Variants in PHF11 observed in about 807,000 individuals in gnomAD.
PHF11 encodes the protein BRCA1 C-terminus-associated protein.
In PHF11, 38 loss-of-function variants were observed where a neutral mutation model predicts 40.5. The observed-to-expected ratio is 0.94, with a 90% CI of 0.72 to 1.23. The LOEUF is 1.23. Ranked by LOEUF, PHF11 falls within the 50% of genes most tolerant of loss-of-function variation. PHF11 has a pLI of 0.00. For synonymous variants in PHF11, 127 were observed against 138.2 expected (o/e 0.92, Z 0.57); for missense variants, 369 against 392.4 (o/e 0.94, Z 0.50).
intron 9 of PHF11, chr13:49,527,215 G>GAGT (rs1566199714): frequency 6.6e-6 from 1 of 152,098 alleles, no homozygotes; most frequent in African/African-American, 2.4e-5. Flanking sequence ...GCATTAAGAT[G>GAGT]CCCTCAAGAC....
chr13:49,526,962 G>C (rs1415039784), intron 9 of PHF11, among the ~76,000 whole-genome samples: 1 of 151,554 alleles, frequency 6.6e-6, no homozygotes, highest in African/African-American at 2.4e-5. Flanking sequence ...CGCTTGGTGA[G>C]ATAGGTCAAA....
intron 2 of PHF11, among the ~76,000 whole-genome samples, chr13:49,507,187 G>A (rs147572333): frequency 0.021 from 3,170 of 152,076 alleles, 104 homozygotes; most frequent in African/African-American, 0.072. Context: ...TTACAGGTGT[G>A]AGCCACCACG....
chr13:49,498,633 T>A (rs1010897174), intron 1 of PHF11, among the ~76,000 whole-genome samples: 1 of 152,220 alleles, frequency 6.6e-6, no homozygotes, highest in African/African-American at 2.4e-5. Flanking sequence ...TTCAGGTAGA[T>A]CATTCTGACA....
At chr13:49,504,628 C>T (rs1328312224) in intron 1 of PHF11, among the ~76,000 whole-genome samples, 3 of 147,962 alleles carry the variant, frequency 2.0e-5, no homozygotes, top group Non-Finnish European at 4.5e-5. Flanking sequence ...CCGCCCCGTC[C>T]GGGAGGTGAG....
chr13:49,520,791 T>A, intron 4 of PHF11, 103 bp from the exon 5 acceptor site: 1 of 765,192 alleles, frequency 1.3e-6, no homozygotes, highest in Non-Finnish European at 2.0e-6. Flanking sequence ...TGTGACGCCG[T>A]CATGAAAAGT....
intron 3 of PHF11, among the ~76,000 whole-genome samples, chr13:49,514,847 A>G (rs1369628442): frequency 2.0e-5 from 3 of 152,164 alleles, no homozygotes; most frequent in Non-Finnish European, 4.4e-5. Context: ...GGCTGCTGAC[A>G]TCATTAGTGC....
At chr13:49,514,764 A>T (rs1385128435) in intron 3 of PHF11, among the ~76,000 whole-genome samples, 1 of 18,720 alleles carries the variant, frequency 5.3e-5, no homozygotes, top group Non-Finnish European at 1.0e-4. Flanking sequence ...TCTCAAATTA[A>T]AAAAAAAAAA....
At chr13:49,496,830 C>CTTTTTTTTT (rs34505707) in intron 1 of PHF11, among the ~76,000 whole-genome samples, 25 of 88,046 alleles carry the variant, frequency 2.8e-4, no homozygotes, top group Non-Finnish European at 3.9e-4. Flanking sequence ...TGGGCTTACC[C>CTTTTTTTTT]TTTTTTTTTT....
chr13:49,513,426 G>A (rs894396712), intron 3 of PHF11, among the ~76,000 whole-genome samples: 1 of 151,310 alleles, frequency 6.6e-6, no homozygotes, highest in African/African-American at 2.4e-5. Context: ...CGCCTCCTGG[G>A]TTCAAGCGAT....
intron 1 of PHF11, among the ~76,000 whole-genome samples, chr13:49,504,055 A>G (rs1033938831): frequency 6.6e-6 from 1 of 152,060 alleles, no homozygotes; most frequent in Non-Finnish European, 1.5e-5. Context: ...AGGCTCCTAG[A>G]AAGTTTTCAG....
intron 4 of PHF11, among the ~76,000 whole-genome samples, chr13:49,520,079 G>T (rs942538951): frequency 1.3e-5 from 2 of 152,070 alleles, no homozygotes; most frequent in Admixed American, 1.3e-4. Context: ...ACAGAGTCTT[G>T]CTCTGTGGCC....
At chr13:49,509,517 A>G (rs1185607618) in intron 2 of PHF11, among the ~76,000 whole-genome samples, 1 of 151,930 alleles carries the variant, frequency 6.6e-6, no homozygotes, top group Non-Finnish European at 1.5e-5. Flanking sequence ...AGCCTTTAGT[A>G]TGTATTTTCT....
At chr13:49,516,814 G>A (rs944064023) in intron 3 of PHF11, among the ~76,000 whole-genome samples, 49 of 151,972 alleles carry the variant, frequency 3.2e-4, no homozygotes, top group Middle Eastern at 3.4e-3. Flanking sequence ...CGAACTCCTG[G>A]GCTCAAGCAA....
chr13:49,513,626 C>T (rs768742437), intron 3 of PHF11, among the ~76,000 whole-genome samples: 7 of 134,822 alleles, frequency 5.2e-5, no homozygotes, highest in Middle Eastern at 3.7e-3. Flanking sequence ...CCACCACGCC[C>T]GGCCAACATT....
intron 1 of PHF11, among the ~76,000 whole-genome samples, chr13:49,505,353 A>G (rs61960008): frequency 0.027 from 4,164 of 152,172 alleles, 77 homozygotes; most frequent in Non-Finnish European, 0.042. Context: ...CAGAATGTGA[A>G]ATAAACGCTA....
chr13:49,504,367 G>A (rs1958948604), intron 1 of PHF11, among the ~76,000 whole-genome samples: 1 of 151,958 alleles, frequency 6.6e-6, no homozygotes, highest in South Asian at 2.1e-4. Context: ...GAGGTGGGAG[G>A]ATCACTTGAG....
chr13:49,502,451 T>C (rs1369411346), intron 1 of PHF11, among the ~76,000 whole-genome samples: 1 of 152,210 alleles, frequency 6.6e-6, no homozygotes, highest in Non-Finnish European at 1.5e-5. Context: ...ATATTCTGTA[T>C]ATCAAAGAAT....
At chr13:49,522,205 C>A in intron 6 of PHF11, 98 bp downstream of exon 6, 1 of 633,668 alleles carries the variant, frequency 1.6e-6, no homozygotes, top group Non-Finnish European at 2.8e-6. Flanking sequence ...CCAAATCGTC[C>A]AAACAGAGAG....
At chr13:49,506,847 A>G in intron 2 of PHF11, 91 bp downstream of exon 2, 1 of 803,062 alleles carries the variant, frequency 1.2e-6, no homozygotes, top group Non-Finnish European at 1.9e-6. Flanking sequence ...GACACAAAGA[A>G]TAACAAGTTG....
Sources: allele counts gnomAD v4.1 joint callset (sites outside exome capture counted in the v4.1 genomes callset), GRCh38; gene constraint gnomAD v4.1.1; transcripts MANE v1.5; gene names NCBI Gene and HGNC (gene_info 2026-07-23, HGNC 2026-07-21).